Variants in TRPV3 observed in about 807,000 individuals in gnomAD.
TRPV3 encodes VRL-3.
In TRPV3, 88 loss-of-function variants were observed where a neutral mutation model predicts 87.1. That is an observed-to-expected ratio of 1.01 (90% CI 0.85 to 1.21). The LOEUF (loss-of-function observed/expected upper bound fraction) is 1.21. Ranked by LOEUF, TRPV3 falls within the 50% of genes most tolerant of loss-of-function variation. TRPV3 has a pLI of 0.00. For synonymous variants in TRPV3, 438 were observed against 423.3 expected, an observed-to-expected ratio of 1.03 and a Z score of -0.43; for missense variants, 1,054 against 1,030.1, an observed-to-expected ratio of 1.02 and a Z score of -0.32.
At chr17:3,516,594 A>AGT in intron 15 of TRPV3, 25 bp from the exon 16 acceptor site, 1 of 1,567,384 alleles carries the variant, frequency 6.4e-7, no homozygotes, top group Non-Finnish European at 8.8e-7. Flanking sequence ...AAGTCTAAGG[A>AGT]GTAGGCATCC....
In TRPV3 at chr17:3,528,261, G is replaced by C; in HGVS notation, c.1402-135C>G. 1 of 637,804 alleles carries C rather than the reference G, an allele frequency of 1.6e-6. No individual in the cohort carries two copies. The highest frequency in any genetic ancestry group is 3.1e-5 in the Admixed American group (1 of 32,322). The allele number at this position is 637,804 out of a possible 1,614,324, so 39.5% of individuals were successfully genotyped here. A position where few individuals can be genotyped will look rare whatever the true frequency, so the allele number is the denominator to read the frequency against. ...CAGCATGAAACCTGATCTCTGTACAGGGCAAGAGAAGGAAGAGCAGCTCCC... is the reference window on the plus strand; with the variant it reads ...CAGCATGAAACCTGATCTCTGTACACGGCAAGAGAAGGAAGAGCAGCTCCC... On this transcript the variant is annotated intron_variant, in intron 10 of 17. Transcript: ENST00000576742. This position sits in a 1 kb window ranked among gnomAD's most constrained non-coding sequence, Gnocchi z 4.2.
At chr17:3,545,080 C>T in intron 3 of TRPV3, 87 bp downstream of exon 3, 1 of 830,938 alleles carries the variant, frequency 1.2e-6, no homozygotes, top group Admixed American at 2.2e-5. Flanking sequence ...CCAGGCCTGG[C>T]CCCGTGACCC....
intron 7 of TRPV3, among the ~76,000 whole-genome samples, chr17:3,534,859 T>C (rs2074384544): frequency 6.6e-6 from 1 of 152,076 alleles, no homozygotes; most frequent in Non-Finnish European, 1.5e-5. Context: ...AGCCATCTCC[T>C]CGCCTGTAAA....
In TRPV3 at chr17:3,518,444, G is replaced by A; in HGVS notation, c.2085+132C>T. The A allele has an allele frequency of 1.8e-6, 2 of 1,093,316 alleles. No individual in the cohort carries two copies. The highest frequency in any genetic ancestry group is 1.3e-6 in the Non-Finnish European group (1 of 781,946). 67.7% of individuals were successfully genotyped at this position (1,093,316 alleles called of 1,614,324 possible). On this transcript the variant is annotated intron_variant, in intron 15 of 17. Transcript: ENST00000576742. The surrounding 1 kb of genome is among the most constrained non-coding windows in gnomAD (Gnocchi z 4.3). ...CTAGGCTAAGGCCTCCTCAAACCTG[G>A]CCACACACTGAGGAGCTTGTGCAGA...
Position 3,556,787 on chromosome 17 carries a change from G to A in TRPV3, c.-3+889C>T, listed in dbSNP as rs984720358. 2.6e-5 allele frequency among the ~76,000 whole-genome samples: 4 copies of A among 152,028 alleles called. No homozygotes were observed. The highest frequency in any genetic ancestry group is 6.5e-5 in the Admixed American group (1 of 15,276). ...GGACTCCTGGGCACCCGGCCCTCCC[G>A]TGTCCAGTCACGGCCTGATGAGGAT... On this transcript the variant is annotated intron_variant, in intron 1 of 17. Coordinates refer to ENST00000576742, the MANE Select transcript of TRPV3 (RefSeq NM_145068.4). The surrounding 1 kb of genome is among the most constrained non-coding windows in gnomAD (Gnocchi z 4.2).
At chr17:3,545,295 G>C (rs766647790) in intron 2 of TRPV3, 24 bp from the exon 3 acceptor site, 14 of 1,574,322 alleles carry the variant, frequency 8.9e-6, no homozygotes, top group Admixed American at 1.7e-5. Flanking sequence ...GAGGAAGCCT[G>C]TTAGGGCCGA....
At chr17:3,545,821 A>G (rs2074518275) in intron 2 of TRPV3, among the ~76,000 whole-genome samples, 1 of 116,428 alleles carries the variant, frequency 8.6e-6, no homozygotes, top group South Asian at 3.2e-4. Context: ...TCTACTTAAA[A>G]TGCAAAAAAA....
chr17:3,519,723 T>TGGATGGAG, intron 14 of TRPV3, among the ~76,000 whole-genome samples: 1 of 147,742 alleles, frequency 6.8e-6, no homozygotes, highest in East Asian at 2.1e-4. Context: ...GATGGATGGA[T>TGGATGGAG]GGATGGATGG....
rs186523375 is a variant in TRPV3 at position 3,523,903 on chromosome 17, C to A, written c.1743+295G>T. Among the ~76,000 whole-genome samples, 1,174 of 148,386 alleles carry A rather than the reference C, an allele frequency of 7.9e-3. 17 individuals carry two copies. The highest frequency in any genetic ancestry group is 0.029 in the African/African-American group (1,121 of 39,092). ...TATACATATTCCACCTACACACACA[C>A]ACATACACACACACACACACAGAAC... On this transcript the variant is annotated intron_variant, in intron 13 of 17. Coordinates refer to ENST00000576742, the MANE Select transcript of TRPV3 (RefSeq NM_145068.4).
intron 14 of TRPV3, among the ~76,000 whole-genome samples, chr17:3,520,528 G>A (rs2074236569): frequency 6.6e-6 from 1 of 152,342 alleles, no homozygotes; most frequent in East Asian, 1.9e-4. Flanking sequence ...CAATGAATGG[G>A]AAAGCCAGAG....
At chr17:3,542,475 C>G (rs757076142) in intron 6 of TRPV3, 47 bp downstream of exon 6, 1 of 1,584,776 alleles carries the variant, frequency 6.3e-7, no homozygotes, top group African/African-American at 1.3e-5. Flanking sequence ...CCCCATACCC[C>G]ACCCTCAGAG....
chr17:3,545,079 G>A (rs111279023), intron 3 of TRPV3, 88 bp downstream of exon 3: 4 of 817,020 alleles, frequency 4.9e-6, no homozygotes, highest in South Asian at 1.6e-5. Context: ...GCCAGGCCTG[G>A]CCCCGTGACC....
In TRPV3 at chr17:3,514,000, T is replaced by C; in HGVS notation, c.2290A>G (p.Ile764Val). The change falls in exon 18 of 18, where the codon ATC becomes GTC. Residue 764 changes from isoleucine to valine, a missense_variant. Physicochemically the swap from Ile to Val is conservative, Grantham distance 29. Transcript: ENST00000576742. ...GPVRRTDFNKIQDSSRNNSKT... is the reference protein window; with the variant it reads ...GPVRRTDFNKVQDSSRNNSKT... ...CTGTTGTTCCTGGAAGAATCTTGGA[T>C]TTTGTTGAAATCTGCTTTTTAAAAA... 6.2e-7 allele frequency: 1 copy of C among 1,613,512 alleles called. No individual in the cohort carries two copies. The highest frequency in any genetic ancestry group is 8.5e-7 in the Non-Finnish European group (1 of 1,179,644).
chr17:3,547,786 G>GC (rs2074540279), intron 2 of TRPV3, among the ~76,000 whole-genome samples: 2 of 152,186 alleles, frequency 1.3e-5, no homozygotes, highest in Admixed American at 1.3e-4. Context: ...AGAGACAGAA[G>GC]CCCCCGGCCC....
At position 3,518,834 on chromosome 17, in the gene TRPV3, G is replaced by A. The variant is rs142243451; in HGVS notation, c.1827C>T (p.Ile609=). The stretch of plus-strand genomic sequence containing the variant: ...CCTTGTTGTCTTTGGGACACTTCTC[G>A]ATCAGCGAGGCCAAGGCTAAGGGAA... The part of the protein sequence containing the change: ...LGFGVALASL[I]EKCPKDNKDC... Residue 609 remains isoleucine, a synonymous_variant, in exon 15 of 18, where the codon ATC becomes ATT. Transcript: ENST00000576742. This position sits in a 1 kb window ranked among gnomAD's most constrained non-coding sequence, Gnocchi z 4.3. 15 of 1,613,592 alleles carry A rather than the reference G, an allele frequency of 9.3e-6. No homozygotes were observed. In the Admixed American group the frequency reaches 1.0e-4, roughly 11 times the overall value.
In TRPV3 at chr17:3,518,943, C is replaced by T. The variant is rs953099312; in HGVS notation, c.1811-93G>A. 8.9e-6 allele frequency: 12 copies of T among 1,351,888 alleles called. No individual in the cohort carries two copies. Among genetic ancestry groups the T allele is most frequent in the African/African-American group, 2.9e-5 (2 of 69,126 alleles). 83.7% of individuals were successfully genotyped at this position (1,351,888 alleles called of 1,614,324 possible). On this transcript the variant is annotated intron_variant, in intron 14 of 17. Coordinates refer to ENST00000576742, the MANE Select transcript of TRPV3 (RefSeq NM_145068.4). The surrounding 1 kb of genome is among the most constrained non-coding windows in gnomAD (Gnocchi z 4.3). Reference sequence around the variant, plus strand: ...ATTTGCCTACATGACAAGCCTGCTGCCTCCTTCTCTCTGGCCATTAAATCC... The same window carrying T: ...ATTTGCCTACATGACAAGCCTGCTGTCTCCTTCTCTCTGGCCATTAAATCC...
At chr17:3,535,529 C>T in intron 7 of TRPV3, 44 bp downstream of exon 7, 1 of 1,524,170 alleles carries the variant, frequency 6.6e-7, no homozygotes, top group Non-Finnish European at 8.8e-7. Context: ...CCGTCTCCCT[C>T]CTCCCTCCTC....
intron 4 of TRPV3, 121 bp from the exon 5 acceptor site, chr17:3,543,749 A>C: frequency 7.5e-7 from 1 of 1,332,196 alleles, no homozygotes; most frequent in South Asian, 1.3e-5. Context: ...CATGCCTGTC[A>C]CAATGCCTGC....
chr17:3,525,635 T>G (rs1008495355), intron 12 of TRPV3, among the ~76,000 whole-genome samples: 1 of 151,826 alleles, frequency 6.6e-6, no homozygotes, highest in Admixed American at 6.6e-5. Context: ...TTTTTTTTTT[T>G]TTGAGATGTA....
Sources: allele counts gnomAD v4.1 joint callset (sites outside exome capture counted in the v4.1 genomes callset), GRCh38; gene constraint gnomAD v4.1.1; non-coding constraint Gnocchi (gnomAD v3.1); transcripts MANE v1.5; gene names NCBI Gene and HGNC (gene_info 2026-07-23, HGNC 2026-07-21).